The following DYNC1LI2 variants were observed in gnomAD, a reference collection of about 807,000 sequenced individuals.
DYNC1LI2 encodes dynein cytoplasmic 1 light intermediate chain 2.
DYNC1LI2 carries 19 observed loss-of-function variants against 57.8 expected under a neutral mutation model. The observed-to-expected ratio is 0.33, with a 90% CI of 0.23 to 0.48. The LOEUF (loss-of-function observed/expected upper bound fraction) is 0.48. Among genes scored for constraint, DYNC1LI2 ranks in the 20% least tolerant of loss-of-function variants. The probability of loss-of-function intolerance (pLI) is 0.99; values close to 1 mark genes in which losing one functional copy is unlikely to be tolerated. For synonymous variants in DYNC1LI2, 256 were observed against 233.4 expected (o/e 1.10, Z -0.88); for missense variants, 470 against 604.2 (o/e 0.78, Z 2.33).
At chr16:66,735,572 T>C (rs1369181257) in intron 5 of DYNC1LI2, among the ~76,000 whole-genome samples, 1 of 152,072 alleles carries the variant, frequency 6.6e-6, no homozygotes, top group East Asian at 1.9e-4. Context: ...AATGGCATGA[T>C]CTCGGCTCAC....
At chr16:66,736,007 C>CA in intron 5 of DYNC1LI2, 68 bp downstream of exon 5, 1 of 1,478,128 alleles carries the variant, frequency 6.8e-7, no homozygotes, top group South Asian at 1.2e-5. Context: ...TCAACAGTTT[C>CA]TCAAACTTTC....
At chr16:66,725,030 C>T (rs998601112) in intron 12 of DYNC1LI2, among the ~76,000 whole-genome samples, 5 of 151,424 alleles carry the variant, frequency 3.3e-5, no homozygotes. Flanking sequence ...AAAAATTAGC[C>T]GGATGTGGTG....
intron 7 of DYNC1LI2, 22 bp downstream of exon 7, chr16:66,732,317 G>A (rs1051027592): frequency 1.2e-6 from 2 of 1,603,748 alleles, no homozygotes; most frequent in Non-Finnish European, 1.7e-6. Context: ...GAGTTTCAAA[G>A]CATCAGCTCA....
intron 12 of DYNC1LI2, among the ~76,000 whole-genome samples, chr16:66,725,354 G>A (rs561064803): frequency 2.6e-5 from 4 of 151,948 alleles, no homozygotes; most frequent in South Asian, 2.1e-4. Context: ...GATGGCACGC[G>A]CCTGTAATCC....
At chr16:66,749,057 A>T in intron 3 of DYNC1LI2, 140 bp downstream of exon 3, 4 of 811,766 alleles carry the variant, frequency 4.9e-6, no homozygotes, top group Non-Finnish European at 8.0e-6. Context: ...AAAGATACGT[A>T]CTTCATCTAT....
chr16:66,733,473 G>A (rs1420291143), intron 6 of DYNC1LI2: 1 of 152,224 alleles, frequency 6.6e-6, no homozygotes, highest in East Asian at 1.9e-4. Context: ...GGGGGCCGAG[G>A]TGGGTGGATC....
intron 4 of DYNC1LI2, among the ~76,000 whole-genome samples, chr16:66,739,581 T>C (rs2017800384): frequency 6.6e-6 from 1 of 152,096 alleles, no homozygotes; most frequent in African/African-American, 2.4e-5. Context: ...ACTACAGGCA[T>C]GTACCACCAT....
chr16:66,726,907 A>G (rs1282902682), intron 11 of DYNC1LI2, among the ~76,000 whole-genome samples: 1 of 149,894 alleles, frequency 6.7e-6, no homozygotes, highest in Non-Finnish European at 1.5e-5. Context: ...TGCTGGCTTG[A>G]GTCACCACGC....
At chr16:66,748,234 A>G (rs1385639518) in intron 3 of DYNC1LI2, among the ~76,000 whole-genome samples, 5 of 143,814 alleles carry the variant, frequency 3.5e-5, no homozygotes, top group African/African-American at 1.3e-4. Context: ...GCCAAGATTG[A>G]GCCACTGCAC....
Position 66,734,230 on chromosome 16 carries a change from A to C in DYNC1LI2, c.781T>G (p.Phe261Val). The C allele has an allele frequency of 6.2e-7, 1 of 1,614,060 alleles. No homozygotes were observed. The highest frequency in any genetic ancestry group is 1.1e-5 in the South Asian group (1 of 91,060). The part of the protein sequence containing the change: ...LDFIQSHLRR[F>V]CLQYGAALIY... The stretch of plus-strand genomic sequence containing the variant: ...GCCCAAAGGATACACTGAAGGCAGA[A>C]CCTCCGCAGGTGTGACTGGATAAAG... The change falls in exon 6 of 13, where the codon TTC becomes GTC. Residue 261 changes from phenylalanine (F) to valine (V), a missense_variant. Physicochemically the swap from Phe to Val is conservative, Grantham distance 50. Coordinates refer to ENST00000258198, the MANE Select transcript of DYNC1LI2 (RefSeq NM_006141.3).
intron 3 of DYNC1LI2, among the ~76,000 whole-genome samples, chr16:66,748,851 A>G (rs989039128): frequency 2.6e-5 from 4 of 152,234 alleles, no homozygotes; most frequent in East Asian, 1.9e-4. Flanking sequence ...CAGAGTAACA[A>G]TGGTCCCCAG....
chr16:66,731,375 C>T (rs2017634078), intron 7 of DYNC1LI2: 1 of 152,256 alleles, frequency 6.6e-6, no homozygotes, highest in African/African-American at 2.4e-5. Context: ...CTGAGTGACA[C>T]TCTCCTTGAC....
At chr16:66,726,023 C>T in intron 11 of DYNC1LI2, 79 bp from the exon 12 acceptor site, 1 of 1,463,690 alleles carries the variant, frequency 6.8e-7, no homozygotes, top group Admixed American at 2.0e-5. Flanking sequence ...CTCAGCTTGG[C>T]ATTAGCCACT....
chr16:66,740,723 C>G (rs978841440), intron 4 of DYNC1LI2, among the ~76,000 whole-genome samples: 3 of 152,314 alleles, frequency 2.0e-5, no homozygotes, highest in Non-Finnish European at 4.4e-5. Flanking sequence ...GACTGGAACA[C>G]GGATGTGAAG....
intron 9 of DYNC1LI2, among the ~76,000 whole-genome samples, chr16:66,728,552 C>T (rs967866099): frequency 6.6e-6 from 1 of 152,138 alleles, no homozygotes; most frequent in Non-Finnish European, 1.5e-5. Context: ...TACCACTGGG[C>T]AGATGATAGG....
intron 4 of DYNC1LI2, 140 bp downstream of exon 4, chr16:66,742,298 G>C: frequency 1.3e-6 from 1 of 793,478 alleles, no homozygotes; most frequent in East Asian, 2.7e-5. Flanking sequence ...GAGTTTACAA[G>C]AGGAACTCTG....
chr16:66,742,401 G>C, intron 4 of DYNC1LI2, 37 bp downstream of exon 4: 1 of 1,595,948 alleles, frequency 6.3e-7, no homozygotes, highest in Non-Finnish European at 8.6e-7. Flanking sequence ...AAAGAGACTC[G>C]TGAACTTCCC....
intron 8 of DYNC1LI2, 126 bp downstream of exon 8, chr16:66,729,986 C>T (rs2017606621): frequency 9.0e-6 from 6 of 668,076 alleles, no homozygotes; most frequent in East Asian, 6.2e-5. Context: ...TTGCCATGTT[C>T]GCCAGGCTGG....
rs1040795596 is a variant in DYNC1LI2 at position 66,723,535 on chromosome 16, A to G, written c.*187T>C. 9 of 669,246 alleles carry G rather than the reference A, an allele frequency of 1.3e-5. 1 individual carries two copies. Among genetic ancestry groups the G allele is most frequent in the Non-Finnish European group, 2.2e-5 (8 of 371,690 alleles). The allele number at this position is 669,246 out of a possible 1,614,324, so 41.5% of individuals were successfully genotyped here. A position where few individuals can be genotyped will look rare whatever the true frequency, so the allele number is the denominator to read the frequency against. Reference sequence around the variant, plus strand: ...AGGGTTATCCTTAACAAAGGGTCTGACATGTAACCTTCCTAAATGTGCATT... The same window carrying G: ...AGGGTTATCCTTAACAAAGGGTCTGGCATGTAACCTTCCTAAATGTGCATT... On this transcript the variant is annotated 3_prime_UTR_variant, in exon 13 of 13. Transcript: ENST00000258198.
Sources: gnomAD v4.1 joint callset for allele counts (sites outside exome capture counted in the v4.1 genomes callset) on GRCh38, gnomAD v4.1.1 for gene constraint, MANE v1.5 for transcripts, NCBI Gene and HGNC (gene_info 2026-07-23, HGNC 2026-07-21) for gene names.